The following CPD variants were observed in gnomAD, a reference collection of about 807,000 sequenced individuals.
CPD encodes metallocarboxypeptidase D.
A neutral mutation model predicts 138.3 loss-of-function variants in CPD; 69 were observed. That is an observed-to-expected ratio of 0.50 (90% CI 0.41 to 0.61). The LOEUF (loss-of-function observed/expected upper bound fraction) is 0.61. Ranked by LOEUF, CPD falls within the 20% of genes least tolerant of loss-of-function variation. The pLI, the probability that CPD is intolerant of heterozygous loss-of-function variation, is 0.00. For missense variants in CPD, 1,432 were observed against 1,733.3 expected (o/e 0.83, Z 3.09); for synonymous variants, 651 against 642.1 (o/e 1.01, Z -0.21).
At chr17:30,446,086 G>A in intron 12 of CPD, 66 bp downstream of exon 12, 1 of 1,097,442 alleles carries the variant, frequency 9.1e-7, no homozygotes, top group Non-Finnish European at 1.3e-6. Flanking sequence ...TAGCCATGTT[G>A]AATAGTTGTA....
At chr17:30,436,293 A>G (rs76165524) in intron 8 of CPD, among the ~76,000 whole-genome samples, 4,351 of 152,226 alleles carry the variant, frequency 0.029, 209 homozygotes, top group African/African-American at 0.099. Flanking sequence ...AGCTTTGGTG[A>G]CAGAAGGAGA....
chr17:30,393,351 A>G (rs1911408679), intron 2 of CPD, among the ~76,000 whole-genome samples: 1 of 152,252 alleles, frequency 6.6e-6, no homozygotes, highest in African/African-American at 2.4e-5. Context: ...TTGAAAGTTT[A>G]GATTTGGTCC....
intron 13 of CPD, among the ~76,000 whole-genome samples, chr17:30,450,963 A>G (rs1913152078): frequency 6.6e-6 from 1 of 152,166 alleles, no homozygotes; most frequent in Non-Finnish European, 1.5e-5. Context: ...TGAAACACTC[A>G]CTAATTGGCA....
intron 12 of CPD, 126 bp downstream of exon 12, chr17:30,446,146 C>T: frequency 2.9e-6 from 2 of 679,200 alleles, no homozygotes; most frequent in Non-Finnish European, 4.8e-6. Flanking sequence ...TTGGAGTTTA[C>T]TTATTTTGCA....
Position 30,445,687 on chromosome 17 carries a change from A to T in CPD, c.2544-4A>T, listed in dbSNP as rs961879432. 1 of 1,585,328 alleles carries T rather than the reference A, an allele frequency of 6.3e-7. No individual in the cohort carries two copies. Among genetic ancestry groups the T allele is most frequent in the Non-Finnish European group, 8.6e-7 (1 of 1,163,328 alleles). ...GTGGTTCTGATCTGTCTCCTTTATC[A>T]TAGGTATAATCCAGTTACCAAGAAT... On this transcript the variant is annotated splice_region_variant and splice_polypyrimidine_tract_variant and intron_variant, in intron 11 of 20. Coordinates refer to ENST00000225719, the MANE Select transcript of CPD (RefSeq NM_001304.5).
At chr17:30,462,966 T>A (rs895368308) in intron 20 of CPD, among the ~76,000 whole-genome samples, 5 of 152,250 alleles carry the variant, frequency 3.3e-5, no homozygotes, top group Admixed American at 6.5e-5. Context: ...TGCTATTGTT[T>A]GTGGTTTAAG....
intron 5 of CPD, 98 bp from the exon 6 acceptor site, chr17:30,423,408 A>G: frequency 1.1e-6 from 1 of 879,546 alleles, no homozygotes; most frequent in Non-Finnish European, 1.6e-6. Flanking sequence ...TGTTTAAAAA[A>G]TTTTTTAGTA....
In CPD at chr17:30,467,128, A is replaced by G. The variant is rs559989346; in HGVS notation, c.*2314A>G. 6.5e-6 allele frequency: 1 copy of G among 152,758 alleles called. No homozygotes were observed. Among genetic ancestry groups the G allele is most frequent in the African/African-American group, 2.4e-5 (1 of 41,582 alleles). The allele number at this position is 152,758 out of a possible 1,614,324, so 9.5% of individuals were successfully genotyped here. ...ATTAACCGCTTAAGGCATTGAAGCC[A>G]TATGGGATGGGGAATGCATTTCTTC... On this transcript the variant is annotated 3_prime_UTR_variant, in exon 21 of 21. Coordinates refer to ENST00000225719, the MANE Select transcript of CPD (RefSeq NM_001304.5).
rs764346518 is a variant in CPD, at chr17:30,379,058, G to A, written c.78G>A (p.Gly26=). The change falls in exon 1 of 21, where the codon GGG becomes GGA. Residue 26 remains glycine (G), a synonymous_variant. Transcript: ENST00000225719. This position sits in a 1 kb window ranked among gnomAD's most constrained non-coding sequence, Gnocchi z 7.0. ...LLLLMCLLLL[G]SSARAAHIKK... ...TGCTCATGTGCCTGCTGCTGCTGGG[G>A]AGCTCGGCCCGGGCGGCTCACATCA... is the stretch of plus-strand genomic sequence containing the variant. 2 of 1,563,230 alleles carry A rather than the reference G, an allele frequency of 1.3e-6. No individual in the cohort carries two copies. The highest frequency in any genetic ancestry group is 1.7e-6 in the Non-Finnish European group (2 of 1,161,546).
intron 2 of CPD, 35 bp from the exon 3 acceptor site, chr17:30,420,806 C>T: frequency 1.3e-6 from 2 of 1,560,954 alleles, no homozygotes; most frequent in East Asian, 2.3e-5. Context: ...AATTATTTTC[C>T]TTCTGAGAGT....
rs1910984400 is a variant in CPD, at chr17:30,379,512, C to T, written c.532C>T (p.Leu178=). 4 of 1,571,540 alleles carry T rather than the reference C, an allele frequency of 2.5e-6. No homozygotes were observed. Among genetic ancestry groups the T allele is most frequent in the African/African-American group, 2.8e-5 (2 of 70,638 alleles). Residue 178 remains leucine, a synonymous_variant, in exon 1 of 21, where the codon CTG becomes TTG. Coordinates refer to ENST00000225719, the MANE Select transcript of CPD (RefSeq NM_001304.5). This position sits in a 1 kb window ranked among gnomAD's most constrained non-coding sequence, Gnocchi z 7.0. ...VRLLNTTDVY[L]LPSLNPDGFE... is the part of the protein sequence containing the mutation. ...CCTGCTCAACACCACCGACGTGTAC[C>T]TGCTGCCCAGCCTCAACCCCGATGG...
At chr17:30,452,154 AAC>A (rs1258456893) in intron 14 of CPD, among the ~76,000 whole-genome samples, 1 of 152,214 alleles carries the variant, frequency 6.6e-6, no homozygotes, top group African/African-American at 2.4e-5. Context: ...ATACACGCAC[AAC>A]ACACACGTAT....
chr17:30,420,529 G>C (rs1221844383), intron 2 of CPD, among the ~76,000 whole-genome samples: 2 of 152,142 alleles, frequency 1.3e-5, no homozygotes, highest in Non-Finnish European at 2.9e-5. Context: ...GAACAGGTCT[G>C]GTGTATAGTA....
chr17:30,452,618 T>C (rs1193378146), intron 14 of CPD, among the ~76,000 whole-genome samples: 1 of 146,110 alleles, frequency 6.8e-6, no homozygotes, highest in African/African-American at 2.6e-5. Flanking sequence ...TCTATGACAG[T>C]ACTCTTAATT....
chr17:30,442,677 A>C (rs1210832296), intron 10 of CPD, among the ~76,000 whole-genome samples: 2 of 152,298 alleles, frequency 1.3e-5, no homozygotes, highest in South Asian at 4.1e-4. Flanking sequence ...GAAGAAAATG[A>C]TTGAACAAGG....
chr17:30,392,219 A>G (rs1223989597), intron 2 of CPD, among the ~76,000 whole-genome samples: 3 of 152,086 alleles, frequency 2.0e-5, no homozygotes, highest in African/African-American at 7.2e-5. Context: ...CATGTTGACC[A>G]GGCTGCTCTC....
intron 2 of CPD, among the ~76,000 whole-genome samples, chr17:30,398,812 T>TA (rs1188056460): frequency 2.0e-5 from 3 of 150,962 alleles, no homozygotes; most frequent in Non-Finnish European, 4.4e-5. Context: ...TTAAAATAAT[T>TA]AAAAAAATAA....
chr17:30,410,148 G>A (rs767608040), intron 2 of CPD, among the ~76,000 whole-genome samples: 1 of 152,076 alleles, frequency 6.6e-6, no homozygotes, highest in Non-Finnish European at 1.5e-5. Flanking sequence ...TTGTTCAGTT[G>A]CCATGTAGTT....
chr17:30,385,407 A>C, intron 2 of CPD, 171 bp downstream of exon 2: 2 of 715,740 alleles, frequency 2.8e-6, no homozygotes, highest in East Asian at 6.3e-5. Flanking sequence ...ATGAAGACCT[A>C]TCTGTCCTTC....
Sources: allele counts gnomAD v4.1 joint callset (sites outside exome capture counted in the v4.1 genomes callset), GRCh38; gene constraint gnomAD v4.1.1; non-coding constraint Gnocchi (gnomAD v3.1); transcripts MANE v1.5; gene names NCBI Gene and HGNC (gene_info 2026-07-23, HGNC 2026-07-21).